The following RINT1 variants were observed in gnomAD, a reference collection of about 807,000 sequenced individuals.
RINT1 encodes RAD50 interactor 1.
RINT1 carries 75 observed loss-of-function variants against 97.7 expected under a neutral mutation model. That is an observed-to-expected ratio of 0.77 (90% CI 0.64 to 0.93). The LOEUF (loss-of-function observed/expected upper bound fraction) is 0.93. Among genes scored for constraint, RINT1 ranks in the 40% least tolerant of loss-of-function variants. The probability of loss-of-function intolerance (pLI) is 0.00; values close to 1 mark genes in which losing one functional copy is unlikely to be tolerated. For missense variants in RINT1, 892 were observed against 925.2 expected (o/e 0.96, Z 0.47); for synonymous variants, 303 against 326.3 (o/e 0.93, Z 0.77).
chr7:105,566,864 AGTATT>A (rs1379279287), intron 14 of RINT1: 6 of 248,102 alleles, frequency 2.4e-5, no homozygotes, highest in Non-Finnish European at 4.5e-5. Flanking sequence ...GTTAATATTA[AGTATT>A]GTATTTAGGG....
At chr7:105,559,907 T>C (rs1162456602) in intron 11 of RINT1, among the ~76,000 whole-genome samples, 3 of 152,224 alleles carry the variant, frequency 2.0e-5, no homozygotes, top group Non-Finnish European at 4.4e-5. Flanking sequence ...TCAGGTTCTC[T>C]ACTGATAACT....
intron 2 of RINT1, among the ~76,000 whole-genome samples, chr7:105,536,097 G>C (rs1037528044): frequency 6.6e-6 from 1 of 152,026 alleles, no homozygotes; most frequent in African/African-American, 2.4e-5. Flanking sequence ...ACTTTGTTTT[G>C]TTTTGGTTTT....
chr7:105,554,820 A>C (rs1293274101), intron 10 of RINT1, among the ~76,000 whole-genome samples: 1 of 152,214 alleles, frequency 6.6e-6, no homozygotes, highest in Non-Finnish European at 1.5e-5. Context: ...TGTAATGTGC[A>C]GATCTTATTT....
rs1360796835 is a variant in RINT1, at chr7:105,532,336, C to T, written c.21C>T (p.Ile7=). The T allele has an allele frequency of 6.3e-7, 1 of 1,598,104 alleles. No homozygotes were observed. Among genetic ancestry groups the T allele is most frequent in the South Asian group, 1.1e-5 (1 of 88,656 alleles). ...GCGAGATGCTACCAGCCGGCGAGAT[C>T]GGCGCCTCTCCTGCAGCCCCGGTGA... The part of the protein sequence containing the change: MLPAGE[I]GASPAAPCCS... The change falls in exon 1 of 15, where the codon ATC becomes ATT. Residue 7 remains isoleucine (I), a synonymous_variant. Transcript: ENST00000257700.
At chr7:105,563,705 T>A in intron 11 of RINT1, 28 bp from the exon 12 acceptor site, 1 of 1,551,374 alleles carries the variant, frequency 6.4e-7, no homozygotes, top group Non-Finnish European at 8.9e-7. Flanking sequence ...AAAAGTATGC[T>A]AATGTGTTAA....
intron 1 of RINT1, among the ~76,000 whole-genome samples, 174 bp downstream of exon 1, chr7:105,532,531 A>C (rs1368448125): frequency 2.0e-5 from 3 of 152,146 alleles, no homozygotes; most frequent in African/African-American, 7.2e-5. Flanking sequence ...AGTCCCCGTG[A>C]AGTGGCTTTG....
intron 3 of RINT1, among the ~76,000 whole-genome samples, chr7:105,537,302 G>A (rs1157934519): frequency 7.0e-6 from 1 of 142,968 alleles, no homozygotes. Context: ...AGCTAATTTT[G>A]TATTTTAGGT....
At chr7:105,563,552 G>A (rs768606455) in intron 11 of RINT1, among the ~76,000 whole-genome samples, 181 bp from the exon 12 acceptor site, 2 of 151,944 alleles carry the variant, frequency 1.3e-5, no homozygotes, top group Admixed American at 6.6e-5. Flanking sequence ...GGATGGTTTC[G>A]AACTCCTGAC....
intron 14 of RINT1, chr7:105,566,741 G>A (rs1198997166): frequency 6.5e-6 from 1 of 153,528 alleles, no homozygotes; most frequent in Non-Finnish European, 1.4e-5. Flanking sequence ...ACGTTTCATA[G>A]GACTGTTTTT....
chr7:105,563,066 T>TA (rs149463590), intron 11 of RINT1, among the ~76,000 whole-genome samples: 21,494 of 151,920 alleles, frequency 0.14, 1,829 homozygotes, highest in South Asian at 0.24. Context: ...CCTGGCAATG[T>TA]AAAAAAAATG....
rs370890616 is a variant in RINT1, at chr7:105,565,513, A to G, written c.2068-17A>G. The G allele has an allele frequency of 7.6e-5, 123 of 1,611,564 alleles. No individual in the cohort carries two copies. In the African/African-American group the frequency reaches 1.5e-3, roughly 19 times the overall value. On this transcript the variant is annotated splice_polypyrimidine_tract_variant and intron_variant, in intron 13 of 14. Transcript: ENST00000257700. ...GATAATAAAGACAACTGTTATATGA[A>G]TTATTCTTTGTTTCAGATAATTCTT...
chr7:105,560,088 C>A (rs1586259364), intron 11 of RINT1, among the ~76,000 whole-genome samples: 1 of 152,164 alleles, frequency 6.6e-6, no homozygotes, highest in African/African-American at 2.4e-5. Flanking sequence ...CATGGCTGTT[C>A]TAAAGTTGTC....
rs1305712783 is a variant in RINT1, at chr7:105,565,462, G to C, written c.2067+5G>C. ...GATGTATACATCTACCAAGAAGTAA[G>C]TAAGAATAGACTGTTTTTGGGCTGT... On this transcript the variant is annotated splice_donor_5th_base_variant and intron_variant, in intron 13 of 14. Transcript: ENST00000257700. 1 of 1,613,318 alleles carries C rather than the reference G, an allele frequency of 6.2e-7. No homozygotes were observed. Among genetic ancestry groups the C allele is most frequent in the Admixed American group, 1.7e-5 (1 of 59,984 alleles).
intron 3 of RINT1, among the ~76,000 whole-genome samples, chr7:105,537,432 A>G (rs900565354): frequency 6.6e-6 from 1 of 151,928 alleles, no homozygotes; most frequent in Middle Eastern, 3.2e-3. Context: ...ACCCGGCCAC[A>G]TTTCAGATTT....
chr7:105,536,309 C>T (rs1790230177), intron 2 of RINT1, among the ~76,000 whole-genome samples: 1 of 152,038 alleles, frequency 6.6e-6, no homozygotes, highest in African/African-American at 2.4e-5. Flanking sequence ...CAGGCCTGTG[C>T]CCCCACGCCT....
chr7:105,545,852 A>G (rs916919722), intron 4 of RINT1, among the ~76,000 whole-genome samples: 14 of 141,580 alleles, frequency 9.9e-5, no homozygotes, highest in Non-Finnish European at 1.1e-4. Flanking sequence ...TTGCCAGGCT[A>G]GAGTGCAGTG....
chr7:105,548,184 T>C (rs1452718189), intron 6 of RINT1, among the ~76,000 whole-genome samples: 2 of 152,032 alleles, frequency 1.3e-5, no homozygotes, highest in East Asian at 3.9e-4. Context: ...CGTGCCACCA[T>C]GCCCCGCTAA....
At chr7:105,555,571 T>C (rs1791144504) in intron 11 of RINT1, among the ~76,000 whole-genome samples, 1 of 152,174 alleles carries the variant, frequency 6.6e-6, no homozygotes, top group Admixed American at 6.6e-5. Flanking sequence ...TCCAGGACTT[T>C]AAGGAAAATA....
intron 11 of RINT1, among the ~76,000 whole-genome samples, chr7:105,558,398 A>T (rs568273940): frequency 7.3e-4 from 111 of 152,224 alleles, no homozygotes; most frequent in African/African-American, 2.6e-3. Flanking sequence ...CAGCACCCCC[A>T]CAGCTCCATA....
Sources: allele counts gnomAD v4.1 joint callset (sites outside exome capture counted in the v4.1 genomes callset), GRCh38; gene constraint gnomAD v4.1.1; transcripts MANE v1.5; gene names NCBI Gene and HGNC (gene_info 2026-07-23, HGNC 2026-07-21).